Variants in SAMD5 observed in about 807,000 individuals in gnomAD.
SAMD5 encodes the protein sterile alpha motif domain-containing protein 5.
In SAMD5, 13 loss-of-function variants were observed where a neutral mutation model predicts 11.3. The observed-to-expected ratio is 1.15, with a 90% CI of 0.75 to 1.83. The LOEUF (loss-of-function observed/expected upper bound fraction) is 1.83, where lower values mean the gene tolerates loss of function less well. SAMD5 is among the 40% of genes most tolerant of loss of function. The probability of loss-of-function intolerance (pLI) is 0.00; values close to 1 mark genes in which losing one functional copy is unlikely to be tolerated. For missense variants in SAMD5, 255 were observed against 239.1 expected (o/e 1.07, Z -0.44); for synonymous variants, 129 against 111.3 (o/e 1.16, Z -1.00).
At chr6:147,922,570 A>G in the SAMD5 span, among the ~76,000 whole-genome samples, 3 of 152,146 alleles carry the variant, frequency 2.0e-5, no homozygotes, top group African/African-American at 7.2e-5. Flanking sequence ...AGTGCAGATA[A>G]GGTGAGGAGG....
chr6:147,828,699 G>T, the SAMD5 span, among the ~76,000 whole-genome samples: 1 of 152,154 alleles, frequency 6.6e-6, no homozygotes, highest in African/African-American at 2.4e-5. Flanking sequence ...CCTTGTGATG[G>T]TGTGAGTTAA....
chr6:147,650,563 C>T (rs894923960), intron 1 of SAMD5, among the ~76,000 whole-genome samples: 1 of 152,166 alleles, frequency 6.6e-6, no homozygotes, highest in Non-Finnish European at 1.5e-5. Context: ...ATGTTTTAAA[C>T]AGAGAAGTCA....
the SAMD5 span, among the ~76,000 whole-genome samples, chr6:147,810,045 A>G: frequency 6.6e-6 from 1 of 152,162 alleles, no homozygotes; most frequent in Non-Finnish European, 1.5e-5. Context: ...TATGTATGTA[A>G]CCATTTTTTT....
rs1788039064 is a variant in SAMD5 at position 147,509,087 on chromosome 6, C to T, written c.159C>T (p.Arg53=). The change falls in exon 1 of 2, where the codon CGC becomes CGT. Residue 53 remains arginine, a synonymous_variant. Coordinates refer to ENST00000367474, the MANE Select transcript of SAMD5 (RefSeq NM_001030060.3). ...GGGTGCTGGCGCCCGCGCACCGCCGCCGTATCCTGGAGGCCGTGCGCCGGC... is the reference window on the plus strand; with the variant it reads ...GGGTGCTGGCGCCCGCGCACCGCCGTCGTATCCTGGAGGCCGTGCGCCGGC... The part of the protein sequence containing the change: ...AIGVLAPAHR[R]RILEAVRRLR... 1.2e-6 allele frequency: 2 copies of T among 1,600,360 alleles called. No individual in the cohort carries two copies. The highest frequency in any genetic ancestry group is 1.3e-5 in the African/African-American group (1 of 74,302).
At chr6:147,814,455 A>T in the SAMD5 span, among the ~76,000 whole-genome samples, 6 of 152,178 alleles carry the variant, frequency 3.9e-5, no homozygotes, top group Non-Finnish European at 7.3e-5. Context: ...CAACCATACC[A>T]CACAGACTTA....
intron 1 of SAMD5, among the ~76,000 whole-genome samples, chr6:147,668,514 C>T (rs1435745759): frequency 6.6e-6 from 1 of 152,266 alleles, no homozygotes; most frequent in African/African-American, 2.4e-5. Context: ...AGCAATAAGG[C>T]AAGTCACATG....
rs142825341 is a variant in SAMD5 at position 147,664,348 on chromosome 6, G to C, written c.163-72969G>C. Among the ~76,000 whole-genome samples, 701 of 152,228 alleles carry C rather than the reference G, an allele frequency of 4.6e-3. 3 individuals carry two copies. The highest frequency in any genetic ancestry group is 7.2e-3 in the Admixed American group (110 of 15,296). On this transcript the variant is annotated intron_variant, in intron 1 of 1. Coordinates refer to the SAMD5 transcript ENST00000566741. ...GCTGACAGTAATCATTATAACTCCAGGAGACTAGCAGAGATAAATATACTA... is the reference window on the plus strand; with the variant it reads ...GCTGACAGTAATCATTATAACTCCACGAGACTAGCAGAGATAAATATACTA...
intron 1 of SAMD5, among the ~76,000 whole-genome samples, chr6:147,591,040 T>A (rs985403919): frequency 1.3e-5 from 2 of 152,086 alleles, no homozygotes; most frequent in African/African-American, 4.8e-5. Flanking sequence ...CGAGGTCTTT[T>A]AAAAAGCTGT....
chr6:147,592,600 C>G (rs1384320631), intron 1 of SAMD5, among the ~76,000 whole-genome samples: 2 of 151,874 alleles, frequency 1.3e-5, no homozygotes, highest in Non-Finnish European at 1.5e-5. Context: ...CTCGTAAAAG[C>G]CTAGGTTCAT....
chr6:147,720,251 G>A (rs1213610791), intron 1 of SAMD5, among the ~76,000 whole-genome samples: 2 of 152,272 alleles, frequency 1.3e-5, no homozygotes, highest in South Asian at 2.1e-4. Flanking sequence ...CACGAGGTCA[G>A]GAGATCGAGA....
chr6:147,841,008 C>T, the SAMD5 span, among the ~76,000 whole-genome samples: 9 of 152,102 alleles, frequency 5.9e-5, no homozygotes, highest in Non-Finnish European at 1.3e-4. Context: ...GGAGTTTGAA[C>T]TATAAAAGTC....
chr6:147,518,023 C>T (rs190834562), intron 1 of SAMD5, among the ~76,000 whole-genome samples: 32 of 152,160 alleles, frequency 2.1e-4, no homozygotes, highest in African/African-American at 5.3e-4. Context: ...TTTCAAAACA[C>T]GAAAGTCAAT....
At chr6:147,751,277 T>C in the SAMD5 span, among the ~76,000 whole-genome samples, 2 of 152,230 alleles carry the variant, frequency 1.3e-5, no homozygotes, top group African/African-American at 4.8e-5. Flanking sequence ...CCCTCTTTCC[T>C]TGCTCTTTTT....
chr6:147,800,204 C>G, the SAMD5 span, among the ~76,000 whole-genome samples: 1 of 152,212 alleles, frequency 6.6e-6, no homozygotes, highest in Non-Finnish European at 1.5e-5. Flanking sequence ...GTGGTTTTAT[C>G]TACTTTTGGT....
chr6:147,882,246 C>A, the SAMD5 span, among the ~76,000 whole-genome samples: 3 of 152,140 alleles, frequency 2.0e-5, no homozygotes, highest in Non-Finnish European at 4.4e-5. Context: ...CTCCCAACCA[C>A]ATCCAAGAAT....
chr6:147,741,379 G>T (rs1364207255), downstream of SAMD5: 1 of 152,090 alleles, frequency 6.6e-6, no homozygotes. Context: ...AAATTTTCTT[G>T]AATTTCACAT....
chr6:147,792,724 A>G, the SAMD5 span, among the ~76,000 whole-genome samples: 1 of 152,188 alleles, frequency 6.6e-6, no homozygotes, highest in Non-Finnish European at 1.5e-5. Flanking sequence ...GTAGGACTAG[A>G]AAGTAAGGAA....
At chr6:147,654,025 C>T (rs1007360139) in intron 1 of SAMD5, among the ~76,000 whole-genome samples, 3 of 152,156 alleles carry the variant, frequency 2.0e-5, no homozygotes, top group African/African-American at 7.2e-5. Flanking sequence ...GAATTAGAAT[C>T]CCCTGATACT....
At chr6:147,708,541 A>T (rs1283219660) in intron 1 of SAMD5, among the ~76,000 whole-genome samples, 5 of 152,346 alleles carry the variant, frequency 3.3e-5, no homozygotes, top group South Asian at 4.1e-4. Flanking sequence ...CACTCAGCAA[A>T]TGGGAGCTTG....
Sources: gnomAD v4.1 joint callset for allele counts (sites outside exome capture counted in the v4.1 genomes callset) on GRCh38, gnomAD v4.1.1 for gene constraint, MANE v1.5 for transcripts, NCBI Gene and HGNC (gene_info 2026-07-23, HGNC 2026-07-21) for gene names.